GYS1: variants seen among roughly 807,000 people sequenced by gnomAD.
GYS1 encodes glycogen [starch] synthase, muscle.
A neutral mutation model predicts 89.1 loss-of-function variants in GYS1; 60 were observed. The ratio of observed to expected loss-of-function variants is 0.67; its 90% confidence interval spans 0.55 to 0.84. The LOEUF is 0.84. GYS1 is among the 40% of genes least tolerant of loss of function. The probability of loss-of-function intolerance (pLI) is 0.00; values close to 1 mark genes in which losing one functional copy is unlikely to be tolerated. For synonymous variants in GYS1, 366 were observed against 401.7 expected, an observed-to-expected ratio of 0.91 and a Z score of 1.06; for missense variants, 888 against 1,003.1, an observed-to-expected ratio of 0.89 and a Z score of 1.55.
rs1345586653 is a variant in GYS1, at chr19:48,982,926, C to T, written c.824-89G>A. The T allele has an allele frequency of 3.0e-6, 3 of 1,007,262 alleles. No individual in the cohort carries two copies. The Admixed American group carries it at 5.2e-5, about 18-fold the overall frequency. 62.4% of individuals were successfully genotyped at this position (1,007,262 alleles called of 1,614,324 possible). A position where few individuals can be genotyped will look rare whatever the true frequency, so the allele number is the denominator to read the frequency against. ...GAATAAATGAAGAAAACACCCTTTG[C>T]CTTTTGCAATTTTTTTGTTTCAAGA... On this transcript the variant is annotated intron_variant, in intron 5 of 15. Transcript: ENST00000323798.
In GYS1 at chr19:48,982,716, G is replaced by A. The variant is rs374388103; in HGVS notation, c.941+4C>T. 1.8e-5 allele frequency: 28 copies of A among 1,569,288 alleles called. No individual in the cohort carries two copies. The highest frequency in any genetic ancestry group is 8.3e-5 in the Admixed American group (5 of 59,882). ...CTTAAGACCTAGGTATATGCCCCAC[G>A]TACCCATAAAAATGGCCCCGCACAA... On this transcript the variant is annotated splice_donor_region_variant and intron_variant, in intron 6 of 15. Coordinates refer to ENST00000323798, the MANE Select transcript of GYS1 (RefSeq NM_002103.5).
chr19:48,981,675 G>C (rs376165364), intron 7 of GYS1, 39 bp from the exon 8 acceptor site: 6 of 1,309,642 alleles, frequency 4.6e-6, no homozygotes, highest in African/African-American at 1.4e-5. Context: ...AGGATCATGT[G>C]GGGGAAGCCT....
intron 1 of GYS1, 100 bp downstream of exon 1, chr19:48,992,895 A>G: frequency 3.8e-6 from 3 of 787,458 alleles, no homozygotes; most frequent in South Asian, 1.4e-5. Flanking sequence ...CCAGGTCACA[A>G]GGGTTCCCCT....
chr19:48,987,152 T>C, intron 3 of GYS1, 42 bp downstream of exon 3: 1 of 1,400,720 alleles, frequency 7.1e-7, no homozygotes, highest in Non-Finnish European at 1.0e-6. Flanking sequence ...TGATGGTCAT[T>C]GTAGTTTCAG....
rs1276811985 is a variant in GYS1, at chr19:48,993,274, G to T, written c.-162C>A. 6 of 724,608 alleles carry T rather than the reference G, an allele frequency of 8.3e-6. No individual in the cohort carries two copies. Among genetic ancestry groups the T allele is most frequent in the African/African-American group, 1.7e-5 (1 of 58,114 alleles). The allele number at this position is 724,608 out of a possible 1,614,324, so 44.9% of individuals were successfully genotyped here. On this transcript the variant is annotated 5_prime_UTR_variant, in exon 1 of 16. Transcript: ENST00000323798. Reference sequence around the variant, plus strand: ...CAAGACCGCACCCCTGCCCCGAAGCGTTGGGACCTAGGCAGAAGGAGGCCG... The same window carrying T: ...CAAGACCGCACCCCTGCCCCGAAGCTTTGGGACCTAGGCAGAAGGAGGCCG...
chr19:48,980,631 C>A (rs922435656), intron 8 of GYS1, among the ~76,000 whole-genome samples: 1 of 150,374 alleles, frequency 6.7e-6, no homozygotes, highest in African/African-American at 2.5e-5. Flanking sequence ...CACTGCACTC[C>A]AGCCTGGGCA....
In GYS1 at chr19:48,974,304, G is replaced by A; in HGVS notation, c.1458C>T (p.Ser486=). 6.2e-7 allele frequency: 1 copy of A among 1,613,500 alleles called. No homozygotes were observed. Among genetic ancestry groups the A allele is most frequent in the South Asian group, 1.1e-5 (1 of 91,062 alleles). The change falls in exon 12 of 16, where the codon AGC becomes AGT. Residue 486 remains serine, a synonymous_variant. Coordinates refer to ENST00000323798, the MANE Select transcript of GYS1 (RefSeq NM_002103.5). ...IFHPEFLSST[S]PLLPVDYEEF... is the part of the protein sequence containing the mutation. ...CCTCATAGTCCACAGGGAGCAGGGG[G>A]CTTGTGGAGGAGAGGAACTCCGGGT... is the stretch of plus-strand genomic sequence containing the variant.
chr19:48,987,896 G>A (rs1050666254), intron 2 of GYS1, among the ~76,000 whole-genome samples: 5 of 152,014 alleles, frequency 3.3e-5, no homozygotes, highest in South Asian at 2.1e-4. Context: ...TGCCTCCTGG[G>A]TTCACACCAT....
chr19:48,976,047 C>T (rs574469680), intron 10 of GYS1, among the ~76,000 whole-genome samples: 1 of 151,938 alleles, frequency 6.6e-6, no homozygotes, highest in South Asian at 2.1e-4. Flanking sequence ...CTGAGGACTG[C>T]TGGGGTGTAT....
intron 10 of GYS1, among the ~76,000 whole-genome samples, chr19:48,975,648 C>G (rs1315971112): frequency 6.6e-6 from 1 of 151,964 alleles, no homozygotes; most frequent in African/African-American, 2.4e-5. Context: ...CTTCCAACCA[C>G]CAGGCGTGGT....
At position 48,982,713 on chromosome 19, in the gene GYS1, C is replaced by T. The variant is rs555810103; in HGVS notation, c.941+7G>A. 5 of 1,559,226 alleles carry T rather than the reference C, an allele frequency of 3.2e-6. No homozygotes were observed. Among genetic ancestry groups the T allele is most frequent in the African/African-American group, 2.7e-5 (2 of 73,884 alleles). On this transcript the variant is annotated splice_region_variant and intron_variant, in intron 6 of 15. Transcript: ENST00000323798. ...TCTCTTAAGACCTAGGTATATGCCC[C>T]ACGTACCCATAAAAATGGCCCCGCA...
chr19:48,975,499 T>C (rs1039625162), intron 10 of GYS1, among the ~76,000 whole-genome samples: 7 of 152,136 alleles, frequency 4.6e-5, no homozygotes, highest in African/African-American at 1.7e-4. Context: ...GCAGCTACCT[T>C]GTTCTGTACT....
chr19:48,969,623 G>A lies in GYS1; in HGVS notation c.1891-12C>T. The A allele has an allele frequency of 3.2e-6, 5 of 1,548,764 alleles. No individual in the cohort carries two copies. Among genetic ancestry groups the A allele is most frequent in the South Asian group, 1.2e-5 (1 of 86,272 alleles). ...CGGTACCCCTGGGCCTGCATACGGC[G>A]ATGTGGGTGCAAACCAGGGTGAGCT... On this transcript the variant is annotated splice_polypyrimidine_tract_variant and intron_variant, in intron 15 of 15. Transcript: ENST00000323798.
intron 12 of GYS1, among the ~76,000 whole-genome samples, chr19:48,973,541 C>T (rs1157871368): frequency 1.4e-5 from 2 of 142,468 alleles, no homozygotes; most frequent in Non-Finnish European, 3.0e-5. Context: ...CGGAGTCTCG[C>T]TCTGTCACCC....
chr19:48,972,043 A>T (rs1213871675), intron 12 of GYS1, among the ~76,000 whole-genome samples: 1 of 151,744 alleles, frequency 6.6e-6, no homozygotes, highest in Non-Finnish European at 1.5e-5. Context: ...AAATAAAAAA[A>T]AAAAAGGCCG....
intron 12 of GYS1, among the ~76,000 whole-genome samples, chr19:48,973,220 G>A (rs2038592566): frequency 6.6e-6 from 1 of 152,098 alleles, no homozygotes; most frequent in East Asian, 1.9e-4. Context: ...ATGAGAAGAA[G>A]CTTCTTTCTT....
chr19:48,975,111 T>G (rs977352398), intron 10 of GYS1, among the ~76,000 whole-genome samples: 10 of 152,060 alleles, frequency 6.6e-5, no homozygotes, highest in African/African-American at 2.2e-4. Flanking sequence ...TTTGTATTTT[T>G]AGTAGAGACG....
At chr19:48,984,756 G>A (rs532400351) in intron 5 of GYS1, among the ~76,000 whole-genome samples, 4 of 151,884 alleles carry the variant, frequency 2.6e-5, no homozygotes, top group East Asian at 3.9e-4. Context: ...TGGCAGGCGC[G>A]TATAGTCCCA....
At chr19:48,979,104 G>A (rs919595416) in intron 8 of GYS1, among the ~76,000 whole-genome samples, 2 of 152,098 alleles carry the variant, frequency 1.3e-5, no homozygotes, top group African/African-American at 4.8e-5. Flanking sequence ...CACATGGCAA[G>A]CCTTCCAGAA....
Sources: allele counts gnomAD v4.1 joint callset (sites outside exome capture counted in the v4.1 genomes callset), GRCh38; gene constraint gnomAD v4.1.1; transcripts MANE v1.5; gene names NCBI Gene and HGNC (gene_info 2026-07-23, HGNC 2026-07-21).